INPP4B: variants seen among roughly 807,000 people sequenced by gnomAD.
The protein encoded by INPP4B is inositol polyphosphate-4-phosphatase type II B.
A neutral mutation model predicts 122.5 loss-of-function variants in INPP4B; 55 were observed. That is an observed-to-expected ratio of 0.45 (90% CI 0.36 to 0.56). INPP4B has a LOEUF of 0.56. Ranked by LOEUF, INPP4B falls within the 20% of genes least tolerant of loss-of-function variation. The probability of loss-of-function intolerance (pLI) is 0.00; values close to 1 mark genes in which losing one functional copy is unlikely to be tolerated. For missense variants in INPP4B, 1,000 were observed against 1,097.7 expected, an observed-to-expected ratio of 0.91 and a Z score of 1.26; for synonymous variants, 403 against 388.7, an observed-to-expected ratio of 1.04 and a Z score of -0.43.
chr4:142,445,001 CCAGGGCCTGT>C (rs1300172157), intron 3 of INPP4B, among the ~76,000 whole-genome samples: 3 of 151,980 alleles, frequency 2.0e-5, no homozygotes, highest in African/African-American at 7.2e-5. Context: ...ACATCACACA[CCAGGGCCTGT>C]CAGGGTGTGG....
intron 7 of INPP4B, among the ~76,000 whole-genome samples, chr4:142,333,498 A>T (rs1414330460): frequency 2.6e-5 from 4 of 152,192 alleles, no homozygotes; most frequent in Non-Finnish European, 5.9e-5. Flanking sequence ...AAATAATAGT[A>T]TATTTTGTTA....
At chr4:142,803,923 G>A (rs1032386418) in intron 1 of INPP4B, among the ~76,000 whole-genome samples, 1 of 152,028 alleles carries the variant, frequency 6.6e-6, no homozygotes, top group African/African-American at 2.4e-5. Flanking sequence ...GCTGGGCATG[G>A]CGGCATGTGC....
At chr4:142,438,702 A>T (rs542103903) in intron 3 of INPP4B, among the ~76,000 whole-genome samples, 14 of 152,086 alleles carry the variant, frequency 9.2e-5, no homozygotes, top group African/African-American at 3.1e-4. Flanking sequence ...TGACAAATAA[A>T]ATCTAATTAA....
chr4:142,456,876 G>T (rs1316465880), intron 3 of INPP4B, among the ~76,000 whole-genome samples: 1 of 151,880 alleles, frequency 6.6e-6, no homozygotes. Flanking sequence ...GCAAAGAAAG[G>T]ATAGCAAAAA....
At chr4:142,136,590 G>A (rs946174082) in intron 18 of INPP4B, among the ~76,000 whole-genome samples, 9 of 152,190 alleles carry the variant, frequency 5.9e-5, no homozygotes, top group African/African-American at 2.2e-4. Context: ...TCTCAGAAGA[G>A]TTTAATATGA....
intron 1 of INPP4B, among the ~76,000 whole-genome samples, chr4:142,791,754 G>C (rs1385931579): frequency 6.6e-6 from 1 of 151,886 alleles, no homozygotes; most frequent in Non-Finnish European, 1.5e-5. Context: ...ATTATTTCTA[G>C]AGCCACCACC....
chr4:142,728,226 G>A (rs1765582444), intron 1 of INPP4B, among the ~76,000 whole-genome samples: 1 of 152,128 alleles, frequency 6.6e-6, no homozygotes, highest in East Asian at 1.9e-4. Context: ...AGCCCTGATT[G>A]GGCTTGACTA....
intron 3 of INPP4B, among the ~76,000 whole-genome samples, chr4:142,461,426 G>A (rs1816710765): frequency 6.6e-6 from 1 of 152,160 alleles, no homozygotes; most frequent in Admixed American, 6.5e-5. Flanking sequence ...TGCTAATGTT[G>A]AAAATTATTT....
intron 25 of INPP4B, among the ~76,000 whole-genome samples, chr4:142,045,356 A>G (rs112792320): frequency 6.6e-6 from 1 of 152,066 alleles, no homozygotes; most frequent in African/African-American, 2.4e-5. Flanking sequence ...TGGCCTTTTA[A>G]TTTCTAATAA....
intron 1 of INPP4B, among the ~76,000 whole-genome samples, chr4:142,730,302 T>C (rs538406065): frequency 6.6e-6 from 1 of 152,294 alleles, no homozygotes; most frequent in South Asian, 2.1e-4. Context: ...ATGATATTAG[T>C]TTTTCACAAT....
At chr4:142,251,725 T>C (rs1272169943) in intron 11 of INPP4B, among the ~76,000 whole-genome samples, 1 of 152,236 alleles carries the variant, frequency 6.6e-6, no homozygotes, top group Non-Finnish European at 1.5e-5. Context: ...AATTGTATTT[T>C]GTTTATCTGT....
At chr4:142,806,832 AAAGAAAGAAAGAAAGAAAG>A in intron 1 of INPP4B, among the ~76,000 whole-genome samples, 1 of 149,152 alleles carries the variant, frequency 6.7e-6, no homozygotes, top group African/African-American at 2.5e-5. Flanking sequence ...AGAAAGAAAG[AAAGAAAGAAAGAAAGAAAG>A]GAGAAGAAAA....
intron 2 of INPP4B, among the ~76,000 whole-genome samples, chr4:142,659,178 T>C (rs150946216): frequency 1.3e-3 from 191 of 151,250 alleles, no homozygotes; most frequent in African/African-American, 4.6e-3. Flanking sequence ...GGCGGGCAGA[T>C]CACCAGGTCA....
intron 2 of INPP4B, among the ~76,000 whole-genome samples, chr4:142,547,125 C>A (rs1428886812): frequency 6.9e-6 from 1 of 144,198 alleles, no homozygotes; most frequent in African/African-American, 2.6e-5. Flanking sequence ...TTCCTGATCC[C>A]AGTGCTTTTT....
At chr4:142,402,781 C>T (rs1031641670) in intron 7 of INPP4B, among the ~76,000 whole-genome samples, 157 bp downstream of exon 7, 5 of 152,062 alleles carry the variant, frequency 3.3e-5, no homozygotes, top group African/African-American at 7.2e-5. Flanking sequence ...GGCAACGAGA[C>T]AAACATATTT....
chr4:142,522,335 G>A (rs1474573586), intron 2 of INPP4B, among the ~76,000 whole-genome samples: 31 of 94,474 alleles, frequency 3.3e-4, no homozygotes, highest in Admixed American at 1.1e-3. Flanking sequence ...CTTCTTTCCC[G>A]CCCCCGCCCC....
At chr4:142,166,779 A>G (rs183107826) in intron 16 of INPP4B, among the ~76,000 whole-genome samples, 1 of 152,016 alleles carries the variant, frequency 6.6e-6, no homozygotes, top group African/African-American at 2.4e-5. Context: ...CAATAAACAG[A>G]TAACAAAAAA....
chr4:142,507,369 C>T (rs1172593049), intron 2 of INPP4B, among the ~76,000 whole-genome samples: 1 of 152,056 alleles, frequency 6.6e-6, no homozygotes, highest in East Asian at 1.9e-4. Flanking sequence ...CTGCTGTGCT[C>T]CAATGCCTCT....
At chr4:142,143,380 C>T (rs1399820111) in intron 18 of INPP4B, among the ~76,000 whole-genome samples, 2 of 151,666 alleles carry the variant, frequency 1.3e-5, no homozygotes, top group African/African-American at 4.8e-5. Context: ...TAGGTAATCA[C>T]AGTGTGATTC....
Sources: gnomAD v4.1 joint callset for allele counts (sites outside exome capture counted in the v4.1 genomes callset) on GRCh38, gnomAD v4.1.1 for gene constraint, MANE v1.5 for transcripts, NCBI Gene and HGNC (gene_info 2026-07-23, HGNC 2026-07-21) for gene names.